The following RASEF variants were observed in gnomAD, a reference collection of about 807,000 sequenced individuals.
RASEF encodes the protein ras and EF-hand domain-containing protein.
A neutral mutation model predicts 90.1 loss-of-function variants in RASEF; 68 were observed. That is an observed-to-expected ratio of 0.75 (90% CI 0.62 to 0.92). RASEF has a LOEUF of 0.92. RASEF is among the 40% of genes least tolerant of loss of function. The pLI is 0.00. For synonymous variants in RASEF, 331 were observed against 345.2 expected (o/e 0.96, Z 0.46); for missense variants, 949 against 937.2 (o/e 1.01, Z -0.16).
chr9:83,181,742 A>G, the RASEF span, among the ~76,000 whole-genome samples: 9 of 152,306 alleles, frequency 5.9e-5, no homozygotes, highest in African/African-American at 2.2e-4. Context: ...TGATATCATA[A>G]TCTTATAAAA....
At chr9:83,035,241 A>G (rs1449521942) in intron 1 of RASEF, among the ~76,000 whole-genome samples, 1 of 152,220 alleles carries the variant, frequency 6.6e-6, no homozygotes, top group East Asian at 1.9e-4. Flanking sequence ...CTCTGCTGCA[A>G]CTATTTAGCC....
the RASEF span, among the ~76,000 whole-genome samples, chr9:83,100,977 A>G: frequency 6.6e-6 from 1 of 152,158 alleles, no homozygotes; most frequent in Non-Finnish European, 1.5e-5. Flanking sequence ...CTAAATAGCA[A>G]TGTTTCCTTA....
the RASEF span, among the ~76,000 whole-genome samples, chr9:83,089,892 T>TGATA: frequency 0.04 from 5,868 of 145,006 alleles, 124 homozygotes; most frequent in East Asian, 0.045. Flanking sequence ...TATAGATAGA[T>TGATA]GATAGATAGA....
At position 82,979,635 on chromosome 9, in the gene RASEF, TG is replaced by T. The variant is rs1828562073; in HGVS notation, c.*3041del. ...TTGAATTTACAACGTAGAAAATATT[TG>T]TAGTTCCTTAGACATTTGCATTGCT... On this transcript the variant is annotated 3_prime_UTR_variant, in exon 17 of 17. Transcript: ENST00000376447. The T allele has an allele frequency of 6.6e-6, 1 of 152,232 alleles. No homozygotes were observed. The highest frequency in any genetic ancestry group is 1.5e-5 in the Non-Finnish European group (1 of 68,042). The allele number at this position is 152,232 out of a possible 1,614,324, so 9.4% of individuals were successfully genotyped here.
chr9:83,009,848 C>T lies in RASEF; in HGVS notation c.844-92G>A, dbSNP rs1215788412. ...AGTGTCCTGTCACCCTCCCACACCA[C>T]TCTCACCCTTCCACAACTCTTCAAA... On this transcript the variant is annotated intron_variant, in intron 5 of 16. Coordinates refer to ENST00000376447, the MANE Select transcript of RASEF (RefSeq NM_152573.4). The T allele has an allele frequency of 4.4e-6, 3 of 688,650 alleles. No individual in the cohort carries two copies. The African/African-American group carries it at 5.3e-5, about 12-fold the overall frequency. The allele number at this position is 688,650 out of a possible 1,614,324, so 42.7% of individuals were successfully genotyped here. A position where few individuals can be genotyped will look rare whatever the true frequency, so the allele number is the denominator to read the frequency against.
chr9:83,138,185 C>T, the RASEF span, among the ~76,000 whole-genome samples: 2 of 151,920 alleles, frequency 1.3e-5, no homozygotes, highest in African/African-American at 4.8e-5. Context: ...ATCTGTTGTC[C>T]AAATAATCCC....
At chr9:83,117,601 T>C in the RASEF span, among the ~76,000 whole-genome samples, 1,329 of 152,288 alleles carry the variant, frequency 8.7e-3, 24 homozygotes, top group African/African-American at 0.03. Context: ...CTGATAAGCC[T>C]TCAGGTTAAG....
chr9:83,043,916 A>T (rs1278001976), intron 1 of RASEF, among the ~76,000 whole-genome samples: 6 of 152,208 alleles, frequency 3.9e-5, no homozygotes, highest in Non-Finnish European at 7.3e-5. Context: ...CTTGACTAGC[A>T]GAGAGAAGAC....
At chr9:82,983,872 G>T (rs569093770) in intron 16 of RASEF, among the ~76,000 whole-genome samples, 1 of 152,324 alleles carries the variant, frequency 6.6e-6, no homozygotes, top group African/African-American at 2.4e-5. Context: ...GCACCCTGGT[G>T]GCTGACATCC....
chr9:83,129,386 G>A, the RASEF span, among the ~76,000 whole-genome samples: 2 of 142,570 alleles, frequency 1.4e-5, no homozygotes, highest in African/African-American at 2.7e-5. Context: ...CAGCATGGGT[G>A]ACAGAACAAG....
Position 82,981,090 on chromosome 9 carries a change from G to A in RASEF, c.*1587C>T, listed in dbSNP as rs189574484. On this transcript the variant is annotated 3_prime_UTR_variant, in exon 17 of 17. Transcript: ENST00000376447. ...AAAGATTGCTACATGGAATTGTTTC[G>A]ATTCAACAAAAATAAATGTTTTTAG... 4 of 152,236 alleles carry A rather than the reference G, an allele frequency of 2.6e-5. No homozygotes were observed. Among genetic ancestry groups the A allele is most frequent in the East Asian group, 1.9e-4 (1 of 5,186 alleles). 9.4% of individuals were successfully genotyped at this position (152,236 alleles called of 1,614,324 possible).
At chr9:83,153,125 A>G in the RASEF span, among the ~76,000 whole-genome samples, 1 of 152,316 alleles carries the variant, frequency 6.6e-6, no homozygotes, top group East Asian at 1.9e-4. Context: ...CAACTCAGCC[A>G]TAATGATTTT....
intron 1 of RASEF, among the ~76,000 whole-genome samples, chr9:83,060,803 G>C (rs1194289230): frequency 1.3e-5 from 2 of 152,158 alleles, no homozygotes; most frequent in Non-Finnish European, 2.9e-5. Flanking sequence ...CACATCAGGA[G>C]GTGAGGCTTA....
At chr9:83,062,072 G>A (rs1170803713) in intron 1 of RASEF, among the ~76,000 whole-genome samples, 3 of 152,236 alleles carry the variant, frequency 2.0e-5, no homozygotes, top group African/African-American at 7.2e-5. Context: ...GCCCTGGGGT[G>A]AGAGCCTAAG....
At chr9:83,049,401 T>C (rs1829998958) in intron 1 of RASEF, 1 of 898,810 alleles carries the variant, frequency 1.1e-6, no homozygotes, top group Non-Finnish European at 1.3e-6. Flanking sequence ...TGAACACATT[T>C]CTATGATCAA....
At chr9:83,131,509 A>T in the RASEF span, among the ~76,000 whole-genome samples, 1 of 152,332 alleles carries the variant, frequency 6.6e-6, no homozygotes, top group Non-Finnish European at 1.5e-5. Context: ...TCTCAAAAAT[A>T]GAAAGCTTAT....
the RASEF span, among the ~76,000 whole-genome samples, chr9:83,169,876 T>C: frequency 6.6e-6 from 1 of 152,032 alleles, no homozygotes; most frequent in African/African-American, 2.4e-5. Flanking sequence ...TATTTGTAGA[T>C]TGTATCTTCA....
At chr9:83,015,481 G>C (rs1178483221) in intron 4 of RASEF, among the ~76,000 whole-genome samples, 4 of 152,148 alleles carry the variant, frequency 2.6e-5, no homozygotes, top group Non-Finnish European at 4.4e-5. Flanking sequence ...AGGAGTTTGA[G>C]ACCAGCCTGG....
At chr9:83,159,690 T>C in the RASEF span, among the ~76,000 whole-genome samples, 1 of 152,256 alleles carries the variant, frequency 6.6e-6, no homozygotes, top group African/African-American at 2.4e-5. Context: ...ACCATTTATA[T>C]TTGAAAAAAT....
Sources: allele counts gnomAD v4.1 joint callset (sites outside exome capture counted in the v4.1 genomes callset), GRCh38; gene constraint gnomAD v4.1.1; transcripts MANE v1.5; gene names NCBI Gene and HGNC (gene_info 2026-07-23, HGNC 2026-07-21).